WSCD2: variants seen among roughly 807,000 people sequenced by gnomAD.
The protein encoded by WSCD2 is WSC domain sialate O sulfotransferase 2.
Under a neutral mutation model 55.7 loss-of-function variants are expected in WSCD2, and 28 were observed. The observed-to-expected ratio is 0.50, with a 90% CI of 0.37 to 0.69. The LOEUF is 0.69. Among genes scored for constraint, WSCD2 ranks in the 30% least tolerant of loss-of-function variants. WSCD2 has a pLI of 0.00. For synonymous variants in WSCD2, 301 were observed against 301.9 expected (o/e 1.00, Z 0.03); for missense variants, 616 against 762.1 (o/e 0.81, Z 2.26).
In WSCD2 at chr12:108,150,020, AG is replaced by A. The variant is rs1877808472; in HGVS notation, c.-552+20095del. On this transcript the variant is annotated intron_variant, in intron 1 of 8. Coordinates refer to ENST00000547525, the MANE Select transcript of WSCD2 (RefSeq NM_014653.4). ...AGTTCATGCTCTTAACCACCATGCT[AG>A]TGATGGTAATAATAATAATTATAAT... 2.0e-5 allele frequency: 3 copies of A among 152,172 alleles called. No individual in the cohort carries two copies. The South Asian group carries it at 6.2e-4, about 32-fold the overall frequency. The allele number at this position is 152,172 out of a possible 1,614,324, so 9.4% of individuals were successfully genotyped here.
Position 108,250,002 on chromosome 12 carries a change from C to T in WSCD2, c.*1659C>T, listed in dbSNP as rs188834791. 1 of 152,722 alleles carries T rather than the reference C, an allele frequency of 6.5e-6. No homozygotes were observed. Among genetic ancestry groups the T allele is most frequent in the Admixed American group, 6.5e-5 (1 of 15,302 alleles). The allele number at this position is 152,722 out of a possible 1,614,324, so 9.5% of individuals were successfully genotyped here. ...TGGGAGGTTGACTCTCTCTGGGAGA[C>T]TCTTGGTCCAAGACCTGGGTCAGTT... On this transcript the variant is annotated 3_prime_UTR_variant, in exon 9 of 9. Coordinates refer to ENST00000547525, the MANE Select transcript of WSCD2 (RefSeq NM_014653.4).
chr12:108,188,726 A>G (rs1043431271), intron 1 of WSCD2, among the ~76,000 whole-genome samples: 2 of 152,134 alleles, frequency 1.3e-5, no homozygotes, highest in African/African-American at 4.8e-5. Context: ...GGCCATCCAT[A>G]TCTTCAGGCT....
rs774410691 is a variant in WSCD2, at chr12:108,210,258, G to A, written c.635G>A (p.Arg212His). The A allele has an allele frequency of 1.0e-5, 16 of 1,607,836 alleles. No homozygotes were observed. Among genetic ancestry groups the A allele is most frequent in the East Asian group, 2.2e-5 (1 of 44,550 alleles). The change falls in exon 4 of 9, where the codon CGC becomes CAC. Residue 212 changes from arginine (R) to histidine (H), a missense_variant. Around this residue, in one of 3 missense-constraint regions of WSCD2, gnomAD observed 374 missense variants for 467.4 expected, o/e 0.80. Transcript: ENST00000547525. The surrounding 1 kb of genome is among the most constrained non-coding windows in gnomAD (Gnocchi z 4.3). Reference sequence around the variant, plus strand: ...GGCAGCGTGTGCGGCGGCGCCAACCGCCTCTCTGTCTACCGGCTGCAGCTG... The same window carrying A: ...GGCAGCGTGTGCGGCGGCGCCAACCACCTCTCTGTCTACCGGCTGCAGCTG... Reference protein sequence around the residue: ...ERGSVCGGANRLSVYRLQLAQ... With the variant: ...ERGSVCGGANHLSVYRLQLAQ...
chr12:108,135,789 C>T lies in WSCD2; in HGVS notation c.-552+5863C>T, dbSNP rs192733870. On this transcript the variant is annotated intron_variant, in intron 1 of 8. Coordinates refer to ENST00000547525, the MANE Select transcript of WSCD2 (RefSeq NM_014653.4). ...TAGAATAGAGGCCAACAAACTATGGCCCACAAGCCAAATCTGGCCCACTGC... is the reference window on the plus strand; with the variant it reads ...TAGAATAGAGGCCAACAAACTATGGTCCACAAGCCAAATCTGGCCCACTGC... 3.4e-4 allele frequency among the ~76,000 whole-genome samples: 52 copies of T among 152,354 alleles called. 1 individual carries two copies. In the East Asian group the frequency reaches 4.2e-3, roughly 12 times the overall value.
Position 108,206,739 on chromosome 12 carries a change from C to T in WSCD2, c.497+336C>T, listed in dbSNP as rs78927404. The stretch of plus-strand genomic sequence containing the variant: ...GCAATGATCTTTAAATAATAGTGGC[C>T]GTGTATGCAGGAGTCTTTGTGAATA... On this transcript the variant is annotated intron_variant, in intron 3 of 8. Transcript: ENST00000547525. 2.6e-5 allele frequency among the ~76,000 whole-genome samples: 4 copies of T among 152,148 alleles called. No individual in the cohort carries two copies. In the South Asian group the frequency reaches 6.2e-4, roughly 24 times the overall value.
intron 1 of WSCD2, among the ~76,000 whole-genome samples, chr12:108,191,611 G>A (rs982115572): frequency 6.6e-6 from 1 of 152,228 alleles, no homozygotes; most frequent in African/African-American, 2.4e-5. Flanking sequence ...GGTTGTAGGT[G>A]TAAGCCCTGG....
At chr12:108,191,352 A>C (rs1883132605) in intron 1 of WSCD2, among the ~76,000 whole-genome samples, 1 of 152,228 alleles carries the variant, frequency 6.6e-6, no homozygotes, top group Admixed American at 6.5e-5. Flanking sequence ...ACAATGACAG[A>C]CTAGAGAGAG....
rs1875381656 is a variant in WSCD2, at chr12:108,130,478, GTGTGTGTGT to G, written c.-552+553_-552+561del. On this transcript the variant is annotated intron_variant, in intron 1 of 8. Coordinates refer to ENST00000547525, the MANE Select transcript of WSCD2 (RefSeq NM_014653.4). ...GATTTGCTTATGTCCATTCTGGGGT[GTGTGTGTGT>G]GTGTGTGTGTGTGTGTGTGTGTGTG... Among the ~76,000 whole-genome samples, 108 of 46,590 alleles carry G rather than the reference GTGTGTGTGT, an allele frequency of 2.3e-3. 1 individual carries two copies. The highest frequency in any genetic ancestry group is 5.4e-3 in the Admixed American group (23 of 4,278). The allele number at this position is 46,590 out of a possible 152,430, so 30.6% of individuals were successfully genotyped here. A position where few individuals can be genotyped will look rare whatever the true frequency, so the allele number is the denominator to read the frequency against.
At chr12:108,173,345 G>A (rs1259997049) in intron 1 of WSCD2, among the ~76,000 whole-genome samples, 1 of 152,148 alleles carries the variant, frequency 6.6e-6, no homozygotes, top group Non-Finnish European at 1.5e-5. Context: ...CTCCAGGCAT[G>A]GTGAGCTCTT....
chr12:108,151,250 T>C (rs145666387), intron 1 of WSCD2, among the ~76,000 whole-genome samples: 207 of 152,238 alleles, frequency 1.4e-3, no homozygotes, highest in African/African-American at 4.7e-3. Context: ...CCCTGTGCAT[T>C]GCAGTGTGTT....
intron 5 of WSCD2, among the ~76,000 whole-genome samples, chr12:108,226,769 G>A (rs1888140090): frequency 1.3e-5 from 2 of 152,172 alleles, no homozygotes; most frequent in Admixed American, 1.3e-4. Flanking sequence ...AAAGTGAATC[G>A]ACTTAAAGGA....
In WSCD2 at chr12:108,203,986, C is replaced by A. The variant is rs146285102; in HGVS notation, c.383-2303C>A. ...CATTGCATTTTGAAAAGAGGAAAAG[C>A]GGAAGTAACATGAGTAGTTACCAGT... On this transcript the variant is annotated intron_variant, in intron 2 of 8. Transcript: ENST00000547525. 1.4e-3 allele frequency among the ~76,000 whole-genome samples: 213 copies of A among 152,278 alleles called. 1 individual carries two copies. Among genetic ancestry groups the A allele is most frequent in the African/African-American group, 2.4e-3 (100 of 41,566 alleles).
rs186673104 is a variant in WSCD2, at chr12:108,233,650, A to G, written c.1144+755A>G. On this transcript the variant is annotated intron_variant, in intron 7 of 8. Transcript: ENST00000547525. The stretch of plus-strand genomic sequence containing the variant: ...GAAATAACTTGCCCAAAGTCACACA[A>G]TTTTTTTTTTCAACAAGCTGATTGG... Among the ~76,000 whole-genome samples the G allele has an allele frequency of 6.6e-5, 10 of 151,294 alleles. No individual in the cohort carries two copies. In the East Asian group the frequency reaches 1.9e-3, roughly 29 times the overall value.
intron 1 of WSCD2, among the ~76,000 whole-genome samples, chr12:108,147,318 A>T (rs1877491638): frequency 1.3e-5 from 2 of 152,168 alleles, no homozygotes; most frequent in South Asian, 4.1e-4. Context: ...GAGAGTGGAA[A>T]GGAGACGAAG....
intron 1 of WSCD2, among the ~76,000 whole-genome samples, chr12:108,166,785 C>CTTTCTTTCTT (rs1285771360): frequency 2.2e-5 from 3 of 135,192 alleles, no homozygotes; most frequent in Non-Finnish European, 3.2e-5. Flanking sequence ...TTCTTTCTTT[C>CTTTCTTTCTT]TTTCTGTCTT....
chr12:108,166,085 G>C (rs1879568513), intron 1 of WSCD2, among the ~76,000 whole-genome samples: 1 of 152,202 alleles, frequency 6.6e-6, no homozygotes, highest in Admixed American at 6.5e-5. Context: ...CTTCCCTTAT[G>C]CTGAGATGGC....
intron 8 of WSCD2, among the ~76,000 whole-genome samples, chr12:108,241,711 T>C (rs1460984832): frequency 1.3e-5 from 2 of 152,258 alleles, no homozygotes; most frequent in Non-Finnish European, 2.9e-5. Flanking sequence ...TTAAGTGTTT[T>C]TTACTACACA....
rs150733819 is a variant in WSCD2 at position 108,228,956 on chromosome 12, A to C, written c.979+1792A>C. Among the ~76,000 whole-genome samples the C allele has an allele frequency of 8.0e-3, 1,212 of 152,290 alleles. 15 individuals are homozygous for C. Among genetic ancestry groups the C allele is most frequent in the African/African-American group, 0.028 (1,171 of 41,532 alleles). ...GCCTTAGCCTGCAGGGGAAAGTCATACACAGATTAATTACCCTGTGATCAT... is the reference window on the plus strand; with the variant it reads ...GCCTTAGCCTGCAGGGGAAAGTCATCCACAGATTAATTACCCTGTGATCAT... On this transcript the variant is annotated intron_variant, in intron 6 of 8. Transcript: ENST00000547525.
intron 8 of WSCD2, among the ~76,000 whole-genome samples, chr12:108,244,015 G>A (rs1325779258): frequency 6.6e-6 from 1 of 152,146 alleles, no homozygotes. Flanking sequence ...AATTGTCCTG[G>A]ATCTGTTTAA....
Sources: allele counts gnomAD v4.1 joint callset (sites outside exome capture counted in the v4.1 genomes callset), GRCh38; gene constraint gnomAD v4.1.1; regional missense constraint gnomAD v4.1.1; non-coding constraint Gnocchi (gnomAD v3.1); transcripts MANE v1.5; gene names NCBI Gene and HGNC (gene_info 2026-07-23, HGNC 2026-07-21).